The following CPNE4 variants were observed in gnomAD, a reference collection of about 807,000 sequenced individuals.
CPNE4 encodes the protein copine 4.
A neutral mutation model predicts 67.9 loss-of-function variants in CPNE4; 25 were observed. That is an observed-to-expected ratio of 0.37 (90% CI 0.27 to 0.51). The LOEUF is 0.51. Ranked by LOEUF, CPNE4 falls within the 20% of genes least tolerant of loss-of-function variation. The pLI is 0.93. For missense variants in CPNE4, 464 were observed against 690.8 expected, an observed-to-expected ratio of 0.67 and a Z score of 3.68; for synonymous variants, 242 against 244.9, an observed-to-expected ratio of 0.99 and a Z score of 0.11.
intron 3 of CPNE4, among the ~76,000 whole-genome samples, chr3:131,722,126 G>T (rs1038810827): frequency 1.3e-5 from 2 of 152,176 alleles, no homozygotes; most frequent in Non-Finnish European, 2.9e-5. Flanking sequence ...TTCTTTTAGT[G>T]ATAAGTGGCA....
chr3:131,705,252 C>A (rs1373190659), intron 3 of CPNE4, among the ~76,000 whole-genome samples: 1 of 152,104 alleles, frequency 6.6e-6, no homozygotes, highest in Admixed American at 6.5e-5. Context: ...ACCACTCCCC[C>A]GTCCAACAGC....
At chr3:131,666,120 A>G (rs2080254955) in intron 7 of CPNE4, among the ~76,000 whole-genome samples, 1 of 152,202 alleles carries the variant, frequency 6.6e-6, no homozygotes, top group Non-Finnish European at 1.5e-5. Flanking sequence ...GTATTAAAAT[A>G]TGCTACAAAA....
chr3:132,026,275 A>C (rs1392832889), intron 1 of CPNE4, among the ~76,000 whole-genome samples: 1 of 152,238 alleles, frequency 6.6e-6, no homozygotes, highest in African/African-American at 2.4e-5. Flanking sequence ...TCATATCAAG[A>C]AGTGTGATAT....
chr3:131,952,472 GGGGGGGT>G (rs2071777040), intron 1 of CPNE4, among the ~76,000 whole-genome samples: 7 of 96,674 alleles, frequency 7.2e-5, no homozygotes, highest in Non-Finnish European at 2.0e-4. Flanking sequence ...GGAGGGAGGT[GGGGGGGT>G]CAGCGCCCCG....
chr3:131,946,997 A>G (rs2071569956), intron 1 of CPNE4, among the ~76,000 whole-genome samples: 1 of 152,190 alleles, frequency 6.6e-6, no homozygotes, highest in Admixed American at 6.5e-5. Context: ...ACTCTTGTCA[A>G]GAATCAATTG....
chr3:131,761,736 T>C (rs2082896171), intron 2 of CPNE4, among the ~76,000 whole-genome samples: 1 of 152,122 alleles, frequency 6.6e-6, no homozygotes, highest in African/African-American at 2.4e-5. Flanking sequence ...CCTAGAACTT[T>C]TACCATTCAA....
At chr3:131,793,392 A>G (rs2083833235) in intron 2 of CPNE4, among the ~76,000 whole-genome samples, 1 of 152,158 alleles carries the variant, frequency 6.6e-6, no homozygotes, top group African/African-American at 2.4e-5. Flanking sequence ...CCCATACCCT[A>G]TAAAGCTCTA....
At chr3:131,748,160 TTATGGTACTATATGGATTACTACTATA>T (rs1479993118) in intron 2 of CPNE4, among the ~76,000 whole-genome samples, 3 of 152,084 alleles carry the variant, frequency 2.0e-5, no homozygotes, top group Non-Finnish European at 4.4e-5. Context: ...GATTACTATA[TTATGGTACTATATGGATTACTACTATA>T]TATGGTACTA....
chr3:131,545,488 A>G (rs1448006448), intron 14 of CPNE4, among the ~76,000 whole-genome samples: 1 of 152,324 alleles, frequency 6.6e-6, no homozygotes, highest in Non-Finnish European at 1.5e-5. Flanking sequence ...AATCAAATTA[A>G]TATTAGTTCT....
At chr3:131,991,906 G>T (rs1466519772) in intron 1 of CPNE4, among the ~76,000 whole-genome samples, 3 of 136,326 alleles carry the variant, frequency 2.2e-5, no homozygotes, top group African/African-American at 7.4e-5. Context: ...GCTTCAGAGG[G>T]TGAAAGTGCC....
At chr3:131,765,897 C>T (rs2083000032) in intron 2 of CPNE4, among the ~76,000 whole-genome samples, 1 of 151,974 alleles carries the variant, frequency 6.6e-6, no homozygotes, top group Admixed American at 6.6e-5. Context: ...CCAAATGGTG[C>T]AAGAAAGACA....
chr3:131,801,410 A>G (rs1459199420), intron 2 of CPNE4, among the ~76,000 whole-genome samples: 23 of 54,612 alleles, frequency 4.2e-4, no homozygotes, highest in Admixed American at 3.3e-3. Context: ...ATAGGTACAT[A>G]TATACGTGTG....
intron 14 of CPNE4, among the ~76,000 whole-genome samples, chr3:131,547,979 T>A (rs764420052): frequency 2.0e-5 from 3 of 152,130 alleles, no homozygotes; most frequent in Non-Finnish European, 4.4e-5. Flanking sequence ...TCCTATTCCC[T>A]TGTAGGAATT....
At position 131,735,136 on chromosome 3, in the gene CPNE4, C is replaced by A. The variant is rs138648902; in HGVS notation, c.181-11511G>T. Among the ~76,000 whole-genome samples, 6 of 152,246 alleles carry A rather than the reference C, an allele frequency of 3.9e-5. No individual in the cohort carries two copies. In the East Asian group the frequency reaches 1.2e-3, roughly 29 times the overall value. ...TTTCATTGTGGTTTTGTTAGTAAGGCCTTTCCCTCACAACATCTGAAACAA... is the reference window on the plus strand; with the variant it reads ...TTTCATTGTGGTTTTGTTAGTAAGGACTTTCCCTCACAACATCTGAAACAA... On this transcript the variant is annotated intron_variant, in intron 2 of 15. Coordinates refer to ENST00000429747, the MANE Select transcript of CPNE4 (RefSeq NM_130808.3).
chr3:131,562,027 G>A (rs2171188), intron 11 of CPNE4, among the ~76,000 whole-genome samples: 1 of 151,982 alleles, frequency 6.6e-6, no homozygotes, highest in Non-Finnish European at 1.5e-5. Context: ...CTGAGCTGTA[G>A]AAATTTGATT....
chr3:131,696,356 G>C (rs2081157538), intron 5 of CPNE4, among the ~76,000 whole-genome samples, 186 bp downstream of exon 5: 1 of 152,166 alleles, frequency 6.6e-6, no homozygotes, highest in Admixed American at 6.6e-5. Flanking sequence ...TTTAATTACA[G>C]TCCCTTCCCT....
chr3:131,901,065 T>C (rs558171743), intron 2 of CPNE4, among the ~76,000 whole-genome samples: 2 of 152,218 alleles, frequency 1.3e-5, no homozygotes, highest in South Asian at 4.1e-4. Context: ...CCTCCAATCA[T>C]AGGGTCACTG....
At chr3:131,974,569 C>T (rs1185608633) in intron 1 of CPNE4, among the ~76,000 whole-genome samples, 1 of 152,154 alleles carries the variant, frequency 6.6e-6, no homozygotes, top group Non-Finnish European at 1.5e-5. Context: ...AAAGGGCCAA[C>T]TCAAATGTGA....
At chr3:131,940,240 G>A (rs1305031103) in intron 1 of CPNE4, among the ~76,000 whole-genome samples, 1 of 152,088 alleles carries the variant, frequency 6.6e-6, no homozygotes, top group Non-Finnish European at 1.5e-5. Flanking sequence ...CATACATAAT[G>A]TATGAATCTT....
Sources: allele counts gnomAD v4.1 joint callset (sites outside exome capture counted in the v4.1 genomes callset), GRCh38; gene constraint gnomAD v4.1.1; transcripts MANE v1.5; gene names NCBI Gene and HGNC (gene_info 2026-07-23, HGNC 2026-07-21).